Variants in CD84 observed in about 807,000 individuals in gnomAD.
CD84 encodes the protein SLAM family member 5.
Under a neutral mutation model 33.8 loss-of-function variants are expected in CD84, and 22 were observed. That is an observed-to-expected ratio of 0.65 (90% CI 0.46 to 0.93). The LOEUF is 0.93. CD84 is among the 40% of genes least tolerant of loss of function. The probability of loss-of-function intolerance (pLI) is 0.00; values close to 1 mark genes in which losing one functional copy is unlikely to be tolerated. For synonymous variants in CD84, 154 were observed against 145.2 expected (o/e 1.06, Z -0.44); for missense variants, 400 against 397.6 (o/e 1.01, Z -0.05).
intron 4 of CD84, among the ~76,000 whole-genome samples, chr1:160,551,712 T>G (rs200508188): frequency 6.6e-6 from 1 of 151,996 alleles, no homozygotes; most frequent in East Asian, 1.9e-4. Context: ...CCCAGCAAAT[T>G]TTTTGTATTT....
intron 1 of CD84, among the ~76,000 whole-genome samples, chr1:160,573,395 G>C (rs1343665938): frequency 6.6e-6 from 1 of 151,938 alleles, no homozygotes; most frequent in African/African-American, 2.4e-5. Context: ...TTGGAGTCTG[G>C]GGAGCTCTCT....
chr1:160,547,255 G>T lies in CD84; in HGVS notation c.*1001C>A, dbSNP rs1461490609. On this transcript the variant is annotated 3_prime_UTR_variant, in exon 7 of 7. Transcript: ENST00000368054. ...ATCTCCCAAGTTCCTTCTGGAGAAT[G>T]ACTCTGCTTCTTGCAAGGTCTTCTA... 2 of 398,456 alleles carry T rather than the reference G, an allele frequency of 5.0e-6. No individual in the cohort carries two copies. The highest frequency in any genetic ancestry group is 8.8e-6 in the Non-Finnish European group (2 of 226,044). The allele number at this position is 398,456 out of a possible 1,614,324, so 24.7% of individuals were successfully genotyped here.
rs114981605 is a variant in CD84 at position 160,567,826 on chromosome 1, G to C, written c.47-2081C>G. Among the ~76,000 whole-genome samples, 1,129 of 152,226 alleles carry C rather than the reference G, an allele frequency of 7.4e-3. 19 individuals are homozygous for C. The highest frequency in any genetic ancestry group is 0.025 in the African/African-American group (1,052 of 41,514). ...TTCTGGGCTGACGGGTTCTAGGAGA[G>C]GGGTATTTGGAGTGTCCCAGCGTGA... On this transcript the variant is annotated intron_variant, in intron 1 of 6. Coordinates refer to ENST00000368054, the MANE Select transcript of CD84 (RefSeq NM_003874.4).
Position 160,541,208 on chromosome 1 carries a change from A to T in CD84, c.*7048T>A, listed in dbSNP as rs1001909028. ...AACCATACTTTATTAATGGGCATTT[A>T]CAAATGCCTGAAATAAAAGGTGACT... On this transcript the variant is annotated 3_prime_UTR_variant, in exon 7 of 7. Transcript: ENST00000368054. 1.3e-5 allele frequency: 2 copies of T among 152,256 alleles called. No homozygotes were observed. The highest frequency in any genetic ancestry group is 4.8e-5 in the African/African-American group (2 of 41,476). The allele number at this position is 152,256 out of a possible 1,614,324, so 9.4% of individuals were successfully genotyped here.
At chr1:160,561,499 T>C (rs79132094) in intron 2 of CD84, among the ~76,000 whole-genome samples, 3 of 152,158 alleles carry the variant, frequency 2.0e-5, no homozygotes, top group African/African-American at 7.2e-5. Context: ...ACTTAGGTAT[T>C]GAAGGAACAC....
In CD84 at chr1:160,554,070, G is replaced by T. The variant is rs200573867; in HGVS notation, c.465C>A (p.Cys155Ter). The change falls in exon 3 of 7, where the codon TGC (cysteine) becomes TGA (stop). Residue 155 changes from cysteine (C) to a stop codon, truncating the protein, a stop_gained. Coordinates refer to ENST00000368054, the MANE Select transcript of CD84 (RefSeq NM_003874.4). LOFTEE classifies it high-confidence loss of function. The part of the protein sequence containing the change: ...VNSTCNVTLT[C>*]SVEKEEKNVT... ...CATTCTTTTCTTCTTTCTCTACAGA[G>T]CATGTCAGTGTGACATTACAGGTGC... 61 of 1,614,064 alleles carry T rather than the reference G, an allele frequency of 3.8e-5. No homozygotes were observed. Among genetic ancestry groups the T allele is most frequent in the Non-Finnish European group, 4.7e-5 (55 of 1,180,040 alleles).
intron 2 of CD84, among the ~76,000 whole-genome samples, chr1:160,557,249 C>T (rs181128686): frequency 3.3e-5 from 5 of 152,306 alleles, no homozygotes; most frequent in East Asian, 1.9e-4. Flanking sequence ...GCGTTCTTTC[C>T]GCTATGCTGT....
intron 1 of CD84, among the ~76,000 whole-genome samples, chr1:160,574,539 A>G (rs1281272782): frequency 6.6e-6 from 1 of 152,194 alleles, no homozygotes; most frequent in Non-Finnish European, 1.5e-5. Flanking sequence ...TTGAGGAATT[A>G]TTAGGATTAA....
chr1:160,562,255 C>G (rs985463348), intron 2 of CD84, among the ~76,000 whole-genome samples: 2 of 151,990 alleles, frequency 1.3e-5, no homozygotes, highest in Non-Finnish European at 2.9e-5. Flanking sequence ...TGAAAAAGAG[C>G]CTGAATAGCC....
intron 2 of CD84, among the ~76,000 whole-genome samples, chr1:160,559,568 A>C (rs982368105): frequency 1.3e-5 from 2 of 152,192 alleles, no homozygotes; most frequent in Non-Finnish European, 2.9e-5. Flanking sequence ...AAGCAACTAC[A>C]TAAACAAGTC....
rs1655943789 is a variant in CD84 at position 160,548,192 on chromosome 1, C to T, written c.*64G>A. The T allele has an allele frequency of 1.4e-5, 21 of 1,552,066 alleles. No individual in the cohort carries two copies. The highest frequency in any genetic ancestry group is 1.7e-5 in the Non-Finnish European group (19 of 1,124,654). On this transcript the variant is annotated 3_prime_UTR_variant, in exon 7 of 7. Transcript: ENST00000368054. ...GAGTTGGGCAGAGAAGATCTGGATCCAGGGAACCTGCCAGTATTGGTGGTT... is the reference window on the plus strand; with the variant it reads ...GAGTTGGGCAGAGAAGATCTGGATCTAGGGAACCTGCCAGTATTGGTGGTT...
At chr1:160,554,285 T>C (rs1319749933) in intron 2 of CD84, 139 bp from the exon 3 acceptor site, 7 of 959,004 alleles carry the variant, frequency 7.3e-6, no homozygotes, top group Non-Finnish European at 8.4e-6. Flanking sequence ...ATAAATTATG[T>C]TAAAAATAAA....
chr1:160,578,202 G>A (rs895363517), intron 1 of CD84, among the ~76,000 whole-genome samples: 3 of 152,102 alleles, frequency 2.0e-5, no homozygotes, highest in Admixed American at 6.6e-5. Context: ...CATCTCAATG[G>A]TTTTCATATG....
At chr1:160,579,286 T>A in intron 1 of CD84, 106 bp downstream of exon 1, 1 of 1,493,570 alleles carries the variant, frequency 6.7e-7, no homozygotes, top group South Asian at 1.2e-5. Flanking sequence ...AGACCCAGGG[T>A]GTTCTGCTAA....
chr1:160,559,406 A>C (rs1656806743), intron 2 of CD84, among the ~76,000 whole-genome samples: 1 of 152,164 alleles, frequency 6.6e-6, no homozygotes, highest in African/African-American at 2.4e-5. Context: ...AGAAGAAATA[A>C]AATCCTTTCC....
At chr1:160,562,574 G>A (rs1657050658) in intron 2 of CD84, among the ~76,000 whole-genome samples, 1 of 152,062 alleles carries the variant, frequency 6.6e-6, no homozygotes, top group African/African-American at 2.4e-5. Flanking sequence ...ATTAATTCAA[G>A]GTGAATTAAA....
chr1:160,550,740 G>A (rs1656155540), intron 5 of CD84, 198 bp downstream of exon 5: 2 of 985,302 alleles, frequency 2.0e-6, no homozygotes, highest in South Asian at 9.4e-5. Context: ...GCTGCCATGG[G>A]GTGACAATGG....
chr1:160,542,147 A>C lies in CD84; in HGVS notation c.*6109T>G, dbSNP rs1403776309. On this transcript the variant is annotated 3_prime_UTR_variant, in exon 7 of 7. Coordinates refer to ENST00000368054, the MANE Select transcript of CD84 (RefSeq NM_003874.4). Reference sequence around the variant, plus strand: ...GAGTTGAATCCTGGCTTTTCTATTTACTAGGATGAGCTACTGTGATTCAGC... The same window carrying C: ...GAGTTGAATCCTGGCTTTTCTATTTCCTAGGATGAGCTACTGTGATTCAGC... 6.6e-6 allele frequency: 1 copy of C among 152,230 alleles called. No homozygotes were observed. Among genetic ancestry groups the C allele is most frequent in the Non-Finnish European group, 1.5e-5 (1 of 68,036 alleles). The allele number at this position is 152,230 out of a possible 1,614,324, so 9.4% of individuals were successfully genotyped here. A position where few individuals can be genotyped will look rare whatever the true frequency, so the allele number is the denominator to read the frequency against.
intron 1 of CD84, among the ~76,000 whole-genome samples, chr1:160,577,956 C>A (rs1182587061): frequency 6.6e-6 from 1 of 152,082 alleles, no homozygotes; most frequent in Non-Finnish European, 1.5e-5. Context: ...TACCTTTTAT[C>A]TTAGCAGGTA....
Sources: gnomAD v4.1 joint callset for allele counts (sites outside exome capture counted in the v4.1 genomes callset) on GRCh38, gnomAD v4.1.1 for gene constraint, MANE v1.5 for transcripts, NCBI Gene and HGNC (gene_info 2026-07-23, HGNC 2026-07-21) for gene names.